Variants in UVRAG observed in about 807,000 individuals in gnomAD.
UVRAG encodes the protein UV radiation resistance-associated gene protein.
In UVRAG, 19 loss-of-function variants were observed where a neutral mutation model predicts 78.0. The observed-to-expected ratio is 0.24, with a 90% CI of 0.17 to 0.36. The LOEUF is 0.36. Ranked by LOEUF, UVRAG falls within the 10% of genes least tolerant of loss-of-function variation. The probability of loss-of-function intolerance (pLI) is 1.00; values close to 1 mark genes in which losing one functional copy is unlikely to be tolerated. For synonymous variants in UVRAG, 323 were observed against 324.6 expected (o/e 1.00, Z 0.05); for missense variants, 740 against 853.8 (o/e 0.87, Z 1.66).
chr11:75,823,085 C>A (rs1160635654), intron 1 of UVRAG, among the ~76,000 whole-genome samples: 1 of 152,086 alleles, frequency 6.6e-6, no homozygotes, highest in Non-Finnish European at 1.5e-5. Flanking sequence ...GGTCAAAGAC[C>A]AAATATGAAA....
At chr11:75,992,696 C>A (rs768640743) in intron 8 of UVRAG, among the ~76,000 whole-genome samples, 1 of 152,092 alleles carries the variant, frequency 6.6e-6, no homozygotes, top group Admixed American at 6.6e-5. Flanking sequence ...TAACCAGATA[C>A]GTACTTGTTC....
chr11:75,959,020 A>G (rs1211738512), intron 6 of UVRAG, among the ~76,000 whole-genome samples: 2 of 152,226 alleles, frequency 1.3e-5, no homozygotes, highest in Non-Finnish European at 2.9e-5. Flanking sequence ...AAATATTCAT[A>G]AAACCATGCT....
At chr11:75,830,996 C>T (rs1245205816) in intron 1 of UVRAG, among the ~76,000 whole-genome samples, 2 of 152,164 alleles carry the variant, frequency 1.3e-5, no homozygotes, top group Non-Finnish European at 2.9e-5. Flanking sequence ...CTCAGGGAGA[C>T]TCAGGTAAAA....
chr11:75,878,305 T>C lies in UVRAG; in HGVS notation c.271-1574T>C, dbSNP rs563245905. 407 of 183,202 alleles carry C rather than the reference T, an allele frequency of 2.2e-3. 1 individual carries two copies. Among genetic ancestry groups the C allele is most frequent in the Non-Finnish European group, 2.7e-3 (242 of 89,850 alleles). The allele number at this position is 183,202 out of a possible 1,614,324, so 11.3% of individuals were successfully genotyped here. ...GCTCCTCACTTCGTAGATGGGATGGTGGCCGGGAAGAGGCGCTCCTCACTT... is the reference window on the plus strand; with the variant it reads ...GCTCCTCACTTCGTAGATGGGATGGCGGCCGGGAAGAGGCGCTCCTCACTT... On this transcript the variant is annotated intron_variant, in intron 3 of 14. Coordinates refer to ENST00000356136, the MANE Select transcript of UVRAG (RefSeq NM_003369.4).
At chr11:75,932,959 C>G (rs1948276133) in intron 6 of UVRAG, among the ~76,000 whole-genome samples, 1 of 152,062 alleles carries the variant, frequency 6.6e-6, no homozygotes, top group Non-Finnish European at 1.5e-5. Context: ...AATGCAATTT[C>G]TATCAAAATA....
chr11:75,933,344 T>TA (rs1273625947), intron 6 of UVRAG, among the ~76,000 whole-genome samples: 1 of 152,136 alleles, frequency 6.6e-6, no homozygotes, highest in Non-Finnish European at 1.5e-5. Flanking sequence ...TCTTGCCATA[T>TA]AAAAAATTAA....
intron 1 of UVRAG, among the ~76,000 whole-genome samples, chr11:75,825,837 GTTTC>G (rs1945498612): frequency 6.6e-6 from 1 of 151,014 alleles, no homozygotes; most frequent in Non-Finnish European, 1.5e-5. Context: ...TTGAGAAGTT[GTTTC>G]TTTTTTTTTT....
At chr11:76,081,576 T>G (rs759093096) in intron 13 of UVRAG, among the ~76,000 whole-genome samples, 21 of 152,220 alleles carry the variant, frequency 1.4e-4, no homozygotes, top group Non-Finnish European at 2.9e-4. Context: ...TAAATAATCT[T>G]TTCATTTCCT....
intron 13 of UVRAG, among the ~76,000 whole-genome samples, chr11:76,073,244 G>A (rs1314379045): frequency 6.6e-6 from 1 of 152,142 alleles, no homozygotes; most frequent in African/African-American, 2.4e-5. Context: ...CTGAAGTACA[G>A]TGGTTGTTTC....
At chr11:75,876,171 T>C (rs1946774901) in intron 3 of UVRAG, among the ~76,000 whole-genome samples, 1 of 152,206 alleles carries the variant, frequency 6.6e-6, no homozygotes, top group Non-Finnish European at 1.5e-5. Context: ...ATTATTATTA[T>C]TATTTAAAAA....
At position 75,856,338 on chromosome 11, in the gene UVRAG, T is replaced by C. The variant is rs141321256; in HGVS notation, c.235+4338T>C. Among the ~76,000 whole-genome samples the C allele has an allele frequency of 6.2e-3, 947 of 152,286 alleles. 4 individuals are homozygous for C. The highest frequency in any genetic ancestry group is 0.01 in the Middle Eastern group (3 of 294). ...TTTTTCATAGTTATTTTCTTACCCA[T>C]GAAATGTAAATGCCTGCCCTCTCCT... On this transcript the variant is annotated intron_variant, in intron 2 of 14. Coordinates refer to ENST00000356136, the MANE Select transcript of UVRAG (RefSeq NM_003369.4).
chr11:75,974,269 C>T (rs927358836), intron 7 of UVRAG, among the ~76,000 whole-genome samples: 2 of 150,600 alleles, frequency 1.3e-5, no homozygotes, highest in African/African-American at 2.4e-5. Context: ...GATGGTATCT[C>T]ATTGTGGTTT....
At chr11:75,882,006 G>C (rs567345473) in intron 4 of UVRAG, among the ~76,000 whole-genome samples, 1 of 151,988 alleles carries the variant, frequency 6.6e-6, no homozygotes, top group Non-Finnish European at 1.5e-5. Context: ...ATATACATGT[G>C]GTCCTTGGTA....
chr11:75,875,210 G>A lies in UVRAG; in HGVS notation c.271-4669G>A, dbSNP rs563815399. ...TTACTCTTATAGGTACCATTTATTTGCTATTCATTCATTCTTGCAGCAAAA... is the reference window on the plus strand; with the variant it reads ...TTACTCTTATAGGTACCATTTATTTACTATTCATTCATTCTTGCAGCAAAA... On this transcript the variant is annotated intron_variant, in intron 3 of 14. Coordinates refer to ENST00000356136, the MANE Select transcript of UVRAG (RefSeq NM_003369.4). Among the ~76,000 whole-genome samples the A allele has an allele frequency of 3.3e-4, 50 of 152,184 alleles. 1 individual carries two copies. In the South Asian group the frequency reaches 9.3e-3, roughly 28 times the overall value.
intron 5 of UVRAG, among the ~76,000 whole-genome samples, chr11:75,904,623 T>C (rs573891680): frequency 9.2e-5 from 14 of 152,344 alleles, no homozygotes; most frequent in East Asian, 3.9e-4. Context: ...TCATCAAGTA[T>C]AGCCTGGTTC....
intron 6 of UVRAG, chr11:75,914,053 A>G (rs543775715): frequency 3.9e-5 from 6 of 152,316 alleles, no homozygotes; most frequent in African/African-American, 1.4e-4. Context: ...TCACGTGACT[A>G]TTTATCAACC....
chr11:76,032,654 A>G (rs1287107496), intron 12 of UVRAG, among the ~76,000 whole-genome samples: 1 of 152,204 alleles, frequency 6.6e-6, no homozygotes, highest in African/African-American at 2.4e-5. Context: ...AGAGATCAGC[A>G]CAGGGTTGGG....
intron 4 of UVRAG, among the ~76,000 whole-genome samples, chr11:75,888,456 TA>T (rs35627138): frequency 6.9e-4 from 104 of 151,530 alleles, no homozygotes; most frequent in African/African-American, 2.4e-3. Context: ...GGCTTCATGT[TA>T]AAAAAAAATA....
At chr11:75,838,553 A>G (rs569778697) in intron 1 of UVRAG, among the ~76,000 whole-genome samples, 132 of 151,866 alleles carry the variant, frequency 8.7e-4, no homozygotes, top group Non-Finnish European at 1.5e-3. Flanking sequence ...GAGTCTTCCT[A>G]TGTTGCCCAG....
Sources: allele counts gnomAD v4.1 joint callset (sites outside exome capture counted in the v4.1 genomes callset), GRCh38; gene constraint gnomAD v4.1.1; transcripts MANE v1.5; gene names NCBI Gene and HGNC (gene_info 2026-07-23, HGNC 2026-07-21).